NTRK3: variants seen among roughly 807,000 people sequenced by gnomAD.
The protein encoded by NTRK3 is NT-3 growth factor receptor.
A neutral mutation model predicts 91.7 loss-of-function variants in NTRK3; 24 were observed. The observed-to-expected ratio is 0.26, with a 90% confidence interval of 0.19 to 0.37. The LOEUF (loss-of-function observed/expected upper bound fraction) is 0.37, where lower values mean the gene tolerates loss of function less well. Among genes scored for constraint, NTRK3 ranks in the 10% least tolerant of loss-of-function variants. The pLI is 1.00. For missense variants in NTRK3, 880 were observed against 1,068.9 expected (o/e 0.82, Z 2.46); for synonymous variants, 483 against 404.0 (o/e 1.20, Z -2.34).
exon 19 of NTRK3, chr15:87,873,282 G>A (rs1266132112): frequency 3.0e-5 from 7 of 230,844 alleles, no homozygotes; most frequent in Non-Finnish European, 6.0e-5. Flanking sequence ...AATGGAGGAA[G>A]CAGCACCTCC....
chr15:88,023,694 G>T (rs1016157950), intron 14 of NTRK3, among the ~76,000 whole-genome samples: 2 of 152,086 alleles, frequency 1.3e-5, no homozygotes, highest in African/African-American at 4.8e-5. Flanking sequence ...TAAAACAACC[G>T]CAGGAAGCTA....
At chr15:88,110,462 C>T (rs2051217696) in intron 13 of NTRK3, among the ~76,000 whole-genome samples, 1 of 152,140 alleles carries the variant, frequency 6.6e-6, no homozygotes, top group Admixed American at 6.5e-5. Context: ...ATATCTTCAC[C>T]ACAGTAGTAA....
At chr15:88,141,783 T>C (rs1042525950) in intron 6 of NTRK3, among the ~76,000 whole-genome samples, 10 of 152,138 alleles carry the variant, frequency 6.6e-5, no homozygotes, top group Middle Eastern at 3.2e-3. Context: ...GGCCAGAGAA[T>C]TAGGTGAGAT....
intron 3 of NTRK3, among the ~76,000 whole-genome samples, chr15:88,222,571 G>C (rs1203822857): frequency 7.9e-5 from 12 of 152,204 alleles, no homozygotes; most frequent in African/African-American, 2.9e-4. Context: ...CATTAATCTT[G>C]TGAAACAGCC....
At chr15:87,981,234 C>G in intron 14 of NTRK3, 1 of 1,586,732 alleles carries the variant, frequency 6.3e-7, no homozygotes. Flanking sequence ...ACCATGTGAC[C>G]TTGGGTAAGA....
At chr15:88,120,781 A>G (rs2052620544) in intron 13 of NTRK3, among the ~76,000 whole-genome samples, 1 of 152,216 alleles carries the variant, frequency 6.6e-6, no homozygotes, top group Non-Finnish European at 1.5e-5. Context: ...ATCCAGCTTC[A>G]TTTCCCTGAC....
chr15:88,136,072 A>C (rs1391885557), intron 8 of NTRK3, 32 bp from the exon 9 acceptor site: 2 of 1,613,976 alleles, frequency 1.2e-6, no homozygotes, highest in East Asian at 2.2e-5. Context: ...TAACAATCAG[A>C]TAGCTTCTAC....
intron 14 of NTRK3, among the ~76,000 whole-genome samples, chr15:87,968,744 G>C (rs1321578761): frequency 6.6e-6 from 1 of 152,186 alleles, no homozygotes; most frequent in Non-Finnish European, 1.5e-5. Context: ...TTAGGAGAGT[G>C]ACTAAGAGCG....
At chr15:88,040,440 G>C (rs2079495626) in intron 13 of NTRK3, among the ~76,000 whole-genome samples, 1 of 152,146 alleles carries the variant, frequency 6.6e-6, no homozygotes, top group African/African-American at 2.4e-5. Flanking sequence ...AAAGAGAGGG[G>C]GAAAGAGGTG....
chr15:88,086,777 C>A (rs1020969325), intron 13 of NTRK3, among the ~76,000 whole-genome samples: 22 of 152,218 alleles, frequency 1.4e-4, no homozygotes, highest in African/African-American at 4.8e-4. Flanking sequence ...ATTATTGTAG[C>A]AAGAGGGATC....
intron 13 of NTRK3, among the ~76,000 whole-genome samples, chr15:88,045,198 C>A (rs994392802): frequency 1.9e-4 from 29 of 152,188 alleles, no homozygotes; most frequent in African/African-American, 6.5e-4. Flanking sequence ...AGTCACAGAG[C>A]AGTCCTATGG....
intron 6 of NTRK3, among the ~76,000 whole-genome samples, chr15:88,145,524 C>G (rs535689631): frequency 2.0e-5 from 3 of 152,148 alleles, no homozygotes; most frequent in African/African-American, 7.2e-5. Flanking sequence ...AATGCAGAAT[C>G]CCATGATCCT....
chr15:88,121,958 G>A (rs889980687), intron 13 of NTRK3, among the ~76,000 whole-genome samples: 2 of 152,188 alleles, frequency 1.3e-5, no homozygotes, highest in African/African-American at 4.8e-5. Flanking sequence ...CATGGCAGTT[G>A]GAGGGCTCTG....
chr15:87,885,579 T>G, intron 17 of NTRK3, 115 bp downstream of exon 18: 1 of 551,060 alleles, frequency 1.8e-6, no homozygotes, highest in Non-Finnish European at 3.1e-6. Context: ...AACTAGAGAG[T>G]CCAGAGGCAG....
At chr15:87,940,863 G>A (rs1325988201) in intron 14 of NTRK3, 110 bp from the exon 15 acceptor site, 3 of 1,438,326 alleles carry the variant, frequency 2.1e-6, no homozygotes, top group Non-Finnish European at 2.9e-6. Flanking sequence ...TGAGCCTACA[G>A]CAGGCAAAGG....
chr15:88,096,943 C>T (rs537107553), intron 13 of NTRK3, among the ~76,000 whole-genome samples: 1 of 152,274 alleles, frequency 6.6e-6, no homozygotes, highest in Admixed American at 6.5e-5. Flanking sequence ...TTTTGGAGAA[C>T]CAAAACTAAG....
chr15:88,137,577 G>A lies in NTRK3; in HGVS notation c.465-16C>T, dbSNP rs760729014. The stretch of plus-strand genomic sequence containing the variant: ...CTCCAACTGCCTGTCGGCAAAGAGA[G>A]AGGGGAAGGGAACCTCTGAACCGAA... On this transcript the variant is annotated splice_polypyrimidine_tract_variant and intron_variant, in intron 6 of 18. Transcript: ENST00000394480. The A allele has an allele frequency of 6.2e-7, 1 of 1,612,718 alleles. No homozygotes were observed. Among genetic ancestry groups the A allele is most frequent in the Non-Finnish European group, 8.5e-7 (1 of 1,179,536 alleles).
intron 3 of NTRK3, among the ~76,000 whole-genome samples, chr15:88,215,736 G>A (rs2049711040): frequency 6.6e-6 from 1 of 152,232 alleles, no homozygotes; most frequent in South Asian, 2.1e-4. Flanking sequence ...TCTTGAGGGA[G>A]AGAATTGACA....
At chr15:88,218,607 G>C (rs1308797313) in intron 3 of NTRK3, among the ~76,000 whole-genome samples, 1 of 152,202 alleles carries the variant, frequency 6.6e-6, no homozygotes, top group Non-Finnish European at 1.5e-5. Flanking sequence ...CTGTCAGCTG[G>C]AGCCCTGTGC....
Sources: allele counts gnomAD v4.1 joint callset (sites outside exome capture counted in the v4.1 genomes callset), GRCh38; gene constraint gnomAD v4.1.1; transcripts MANE v1.5; gene names NCBI Gene and HGNC (gene_info 2026-07-23, HGNC 2026-07-21).